Variants in INKA2 observed in about 807,000 individuals in gnomAD.
INKA2 encodes inka box actin regulator 2.
INKA2 carries 3 observed loss-of-function variants against 9.8 expected under a neutral mutation model. The ratio of observed to expected loss-of-function variants is 0.31; its 90% CI spans 0.14 to 0.79. The LOEUF (loss-of-function observed/expected upper bound fraction) is 0.79, where lower values mean the gene tolerates loss of function less well. INKA2 is among the 30% of genes least tolerant of loss of function. The pLI is 0.62. For synonymous variants in INKA2, 147 were observed against 143.3 expected, an observed-to-expected ratio of 1.03 and a Z score of -0.18; for missense variants, 392 against 384.4, an observed-to-expected ratio of 1.02 and a Z score of -0.17.
chr1:111,732,089 G>A (rs1662918163), intron 1 of INKA2, among the ~76,000 whole-genome samples: 1 of 152,186 alleles, frequency 6.6e-6, no homozygotes, highest in Non-Finnish European at 1.5e-5. Context: ...ACCTGGGAGG[G>A]CCAGGACAGT....
At chr1:111,750,043 C>T (rs1663364793) in intron 1 of INKA2, among the ~76,000 whole-genome samples, 1 of 152,252 alleles carries the variant, frequency 6.6e-6, no homozygotes, top group African/African-American at 2.4e-5. Flanking sequence ...ATTATGCTGC[C>T]TGGACAAGAA....
Position 111,723,026 on chromosome 1 carries a change from T to C in INKA2, c.*3942A>G. The C allele has an allele frequency of 1.4e-6, 1 of 700,980 alleles. No homozygotes were observed. Among genetic ancestry groups the C allele is most frequent in the East Asian group, 2.7e-5 (1 of 37,130 alleles). The allele number at this position is 700,980 out of a possible 1,614,324, so 43.4% of individuals were successfully genotyped here. A position where few individuals can be genotyped will look rare whatever the true frequency, so the allele number is the denominator to read the frequency against. On this transcript the variant is annotated 3_prime_UTR_variant, in exon 2 of 2. Coordinates refer to ENST00000357260, the MANE Select transcript of INKA2 (RefSeq NM_019099.5). The stretch of plus-strand genomic sequence containing the variant: ...GAGAGATCAAGCAACATGCTCAAGC[T>C]TCCACAGTGACAGAGGGGGCTCTCA...
exon 1 of INKA2, chr1:111,755,776 T>G: frequency 6.2e-7 from 1 of 1,612,688 alleles, no homozygotes; most frequent in Non-Finnish European, 8.5e-7. Context: ...GGGCAGTCTC[T>G]CAGCCTCCGA....
intron 1 of INKA2, chr1:111,746,351 G>A (rs545536208): frequency 6.6e-6 from 1 of 152,354 alleles, no homozygotes; most frequent in Admixed American, 6.5e-5. Context: ...ATGCATACTG[G>A]AGAATAGGAA....
chr1:111,729,379 C>T (rs3754030), intron 1 of INKA2, among the ~76,000 whole-genome samples: 74,317 of 152,112 alleles, frequency 0.49, 19,262 homozygotes, highest in South Asian at 0.72. Context: ...TCTGCCGCCC[C>T]GGCCAAGCCA....
upstream of INKA2, among the ~76,000 whole-genome samples, chr1:111,741,610 G>C (rs1353945547): frequency 4.6e-5 from 7 of 152,206 alleles, no homozygotes; most frequent in African/African-American, 7.2e-5. Context: ...ACCACAAAAG[G>C]GTTCCCCAAC....
intron 1 of INKA2, among the ~76,000 whole-genome samples, chr1:111,728,903 C>CTTTTTTTTTTT (rs34918562): frequency 0.066 from 7,557 of 114,930 alleles, 669 homozygotes; most frequent in African/African-American, 0.08. Context: ...TGGAGCTAGG[C>CTTTTTTTTTTT]TTTTTTTTTT....
At chr1:111,733,986 T>C (rs11102329) in intron 1 of INKA2, among the ~76,000 whole-genome samples, 18,210 of 152,118 alleles carry the variant, frequency 0.12, 1,144 homozygotes, top group African/African-American at 0.14. Flanking sequence ...TTTCAGCCCC[T>C]GGGGAAGCTA....
rs771701834 is a variant in INKA2 at position 111,727,639 on chromosome 1, C to G, written c.223G>C (p.Glu75Gln). 10 of 1,607,966 alleles carry G rather than the reference C, an allele frequency of 6.2e-6. No homozygotes were observed. Among genetic ancestry groups the G allele is most frequent in the African/African-American group, 1.3e-5 (1 of 74,846 alleles). ...GSPEGPRTQC[E>Q]HPCWEGGRGP... ...CTGCCACCCTCCCAACAAGGGTGCTCGCACTGGGTCCTGGGACCTTCAGGG... is the reference window on the plus strand; with the variant it reads ...CTGCCACCCTCCCAACAAGGGTGCTGGCACTGGGTCCTGGGACCTTCAGGG... The change falls in exon 2 of 2, where the codon GAG becomes CAG. Residue 75 changes from glutamate (E) to glutamine (Q), a missense_variant. Glu to Gln is a conservative substitution (Grantham distance 29, BLOSUM62 2). Coordinates refer to ENST00000357260, the MANE Select transcript of INKA2 (RefSeq NM_019099.5).
intron 1 of INKA2, among the ~76,000 whole-genome samples, chr1:111,732,919 G>A (rs1404465053): frequency 6.6e-6 from 1 of 152,204 alleles, no homozygotes; most frequent in African/African-American, 2.4e-5. Flanking sequence ...ATGACACTGG[G>A]CAAAATCGCC....
chr1:111,725,747 TGA>T lies in INKA2; in HGVS notation c.*1219_*1220del, dbSNP rs1662754491. 5.2e-6 allele frequency: 1 copy of T among 193,706 alleles called. No homozygotes were observed. The highest frequency in any genetic ancestry group is 6.1e-5 in the Admixed American group (1 of 16,516). The allele number at this position is 193,706 out of a possible 1,614,324, so 12.0% of individuals were successfully genotyped here. A position where few individuals can be genotyped will look rare whatever the true frequency, so the allele number is the denominator to read the frequency against. ...ACGAACTGTTTTTTTTTATTTTTTT[TGA>T]GACAGGGGAGTCTTGCTCTGTCAGC... On this transcript the variant is annotated 3_prime_UTR_variant, in exon 2 of 2. Coordinates refer to ENST00000357260, the MANE Select transcript of INKA2 (RefSeq NM_019099.5).
intron 1 of INKA2, chr1:111,746,998 C>T (rs1663288191): frequency 1.3e-5 from 2 of 152,220 alleles, no homozygotes; most frequent in African/African-American, 4.8e-5. Context: ...GCATCTGCCA[C>T]CCAAGCATGT....
At chr1:111,749,439 TGTGTGTGCGC>T (rs957279069) in intron 1 of INKA2, among the ~76,000 whole-genome samples, 3 of 141,844 alleles carry the variant, frequency 2.1e-5, no homozygotes, top group Non-Finnish European at 3.1e-5. Flanking sequence ...TGTGTGTGTG[TGTGTGTGCGC>T]GCGCGCGCGT....
intron 1 of INKA2, among the ~76,000 whole-genome samples, chr1:111,731,976 CT>C (rs1210707601): frequency 3.3e-5 from 5 of 152,234 alleles, no homozygotes; most frequent in Non-Finnish European, 7.3e-5. Flanking sequence ...CTCCTGCCCA[CT>C]CCCAGCCACG....
At chr1:111,737,181 A>C (rs1663024919) in intron 1 of INKA2, among the ~76,000 whole-genome samples, 1 of 152,134 alleles carries the variant, frequency 6.6e-6, no homozygotes, top group South Asian at 2.1e-4. Flanking sequence ...AATGAAAGCT[A>C]ATGGGGCACT....
At chr1:111,755,705 T>C in exon 1 of INKA2, 1 of 1,613,832 alleles carries the variant, frequency 6.2e-7, no homozygotes, top group Non-Finnish European at 8.5e-7. Flanking sequence ...ACTCACCAGT[T>C]GCCTCATCTT....
chr1:111,749,489 G>A (rs1464977961), intron 1 of INKA2, among the ~76,000 whole-genome samples: 1 of 152,026 alleles, frequency 6.6e-6, no homozygotes, highest in Non-Finnish European at 1.5e-5. Context: ...GGAGTCTCTG[G>A]TGCAGACAGT....
intron 1 of INKA2, among the ~76,000 whole-genome samples, chr1:111,730,004 G>C (rs1349534094): frequency 6.6e-6 from 1 of 152,244 alleles, no homozygotes; most frequent in Non-Finnish European, 1.5e-5. Flanking sequence ...GTGGTTCCAG[G>C]CCCTGACAGC....
intron 1 of INKA2, chr1:111,746,012 G>A (rs197371): frequency 0.16 from 23,904 of 152,224 alleles, 2,295 homozygotes; most frequent in African/African-American, 0.27. Context: ...CTGTCTGCAT[G>A]TTTGCTTCCA....
Sources: allele counts gnomAD v4.1 joint callset (sites outside exome capture counted in the v4.1 genomes callset), GRCh38; gene constraint gnomAD v4.1.1; transcripts MANE v1.5; gene names NCBI Gene and HGNC (gene_info 2026-07-23, HGNC 2026-07-21).